Variants in RELT observed in about 807,000 individuals in gnomAD.
RELT encodes tumor necrosis factor receptor superfamily member 19L.
Under a neutral mutation model 51.1 loss-of-function variants are expected in RELT, and 37 were observed. That is an observed-to-expected ratio of 0.72 (90% CI 0.56 to 0.95). RELT has a LOEUF of 0.95. RELT is among the 40% of genes least tolerant of loss of function. The probability of loss-of-function intolerance (pLI) is 0.00; values close to 1 mark genes in which losing one functional copy is unlikely to be tolerated. For synonymous variants in RELT, 241 were observed against 235.7 expected (o/e 1.02, Z -0.21); for missense variants, 535 against 572.6 (o/e 0.93, Z 0.67).
At chr11:73,385,962 G>A (rs1302747910) in intron 1 of RELT, among the ~76,000 whole-genome samples, 1 of 152,222 alleles carries the variant, frequency 6.6e-6, no homozygotes, top group South Asian at 2.1e-4. Flanking sequence ...AAAGTTCAAA[G>A]TTGCAGTGAG....
chr11:73,389,304 G>C (rs183816370), intron 2 of RELT, 123 bp downstream of exon 2: 3 of 632,918 alleles, frequency 4.7e-6, no homozygotes, highest in African/African-American at 1.9e-5. Flanking sequence ...TACTCAGCTC[G>C]TCAAGAATCT....
chr11:73,395,107 C>T lies in RELT; in HGVS notation c.1067C>T (p.Pro356Leu), dbSNP rs1369305920. The T allele has an allele frequency of 1.2e-6, 2 of 1,613,412 alleles. No homozygotes were observed. Among genetic ancestry groups the T allele is most frequent in the Non-Finnish European group, 1.7e-6 (2 of 1,179,960 alleles). Residue 356 changes from proline to leucine, a missense_variant, in exon 10 of 11, where the codon CCT becomes CTT. Pro to Leu is a moderately conservative substitution (Grantham distance 98). Transcript: ENST00000064780. Reference sequence around the variant, plus strand: ...CACAGGTTCCGCGTGGCTCGAATTCCTGAGCAGCGGACAAGTTCAATGGTG... The same window carrying T: ...CACAGGTTCCGCGTGGCTCGAATTCTTGAGCAGCGGACAAGTTCAATGGTG... The part of the protein sequence containing the change: ...SVGRFRVARI[P>L]EQRTSSMVSE...
intron 4 of RELT, 104 bp downstream of exon 4, chr11:73,391,025 T>A: frequency 6.6e-7 from 1 of 1,526,118 alleles, no homozygotes; most frequent in Non-Finnish European, 9.0e-7. Flanking sequence ...ATTCTTCCCA[T>A]CTGTGAAATG....
Position 73,390,626 on chromosome 11 carries a change from G to T in RELT, c.120+1G>T, listed in dbSNP as rs569625319. 3.1e-6 allele frequency: 5 copies of T among 1,613,818 alleles called. No homozygotes were observed. The highest frequency in any genetic ancestry group is 3.4e-6 in the Non-Finnish European group (4 of 1,179,974). On this transcript the variant is annotated splice_donor_variant, in intron 3 of 10. Coordinates refer to ENST00000064780, the MANE Select transcript of RELT (RefSeq NM_152222.2). LOFTEE classifies it high-confidence loss of function. ...CCCACCTGGGGAGGAGCCCGACCTG[G>T]TGAGCATTGCCCTGCTCTCCTGCCT...
At chr11:73,377,193 G>A (rs1333485946) in intron 1 of RELT, among the ~76,000 whole-genome samples, 1 of 152,148 alleles carries the variant, frequency 6.6e-6, no homozygotes, top group Non-Finnish European at 1.5e-5. Context: ...GTGAAATAGA[G>A]GGAGAGGAGC....
chr11:73,388,781 G>A lies in RELT; in HGVS notation c.-25-331G>A, dbSNP rs949517146. ...TCATCACGGACACAGGCCGCCACAC[G>A]CGCTTCCTTCCCCTGCTGATGCCTC... is the stretch of plus-strand genomic sequence containing the variant. On this transcript the variant is annotated intron_variant, in intron 1 of 10. Transcript: ENST00000064780. This position sits in a 1 kb window ranked among gnomAD's most constrained non-coding sequence, Gnocchi z 4.1. 2.6e-5 allele frequency among the ~76,000 whole-genome samples: 4 copies of A among 152,186 alleles called. No homozygotes were observed. Among genetic ancestry groups the A allele is most frequent in the Admixed American group, 6.5e-5 (1 of 15,288 alleles).
At position 73,389,163 on chromosome 11, in the gene RELT, C is replaced by G; in HGVS notation, c.27C>G (p.Pro9=). 1.3e-6 allele frequency: 2 copies of G among 1,550,538 alleles called. No homozygotes were observed. Among genetic ancestry groups the G allele is most frequent in the African/African-American group, 1.4e-5 (1 of 72,998 alleles). Residue 9 remains proline (P), a synonymous_variant, in exon 2 of 11, where the codon CCC becomes CCG. Transcript: ENST00000064780. ...TGAAGCCAAGTCTGCTGTGCCGGCC[C>G]CTGTCCTGCTTCCTTATGGTGAGCT... The part of the protein sequence containing the change: MKPSLLCR[P]LSCFLMLLPW...
chr11:73,376,926 A>T (rs1453703418), intron 1 of RELT: 2 of 153,240 alleles, frequency 1.3e-5, no homozygotes, highest in Non-Finnish European at 1.5e-5. Context: ...GGGGCGGCCA[A>T]GGGGGGGTCT....
At chr11:73,389,805 G>A (rs1357424099) in intron 2 of RELT, among the ~76,000 whole-genome samples, 1 of 152,220 alleles carries the variant, frequency 6.6e-6, no homozygotes, top group African/African-American at 2.4e-5. Context: ...CCGCTCTGGG[G>A]TCTGAGGAGA....
intron 1 of RELT, among the ~76,000 whole-genome samples, chr11:73,386,734 T>C (rs1397047775): frequency 6.6e-6 from 1 of 152,184 alleles, no homozygotes; most frequent in Admixed American, 6.5e-5. Context: ...TCTGCGTCTG[T>C]CTGCAGATGA....
At chr11:73,392,077 A>G in intron 5 of RELT, 134 bp from the exon 6 acceptor site, 1 of 1,019,588 alleles carries the variant, frequency 9.8e-7, no homozygotes, top group Non-Finnish European at 1.4e-6. Context: ...TTGCATCCCC[A>G]GCATGGCGGG....
chr11:73,394,092 G>A lies in RELT; in HGVS notation c.707-144G>A. 1 of 960,968 alleles carries A rather than the reference G, an allele frequency of 1.0e-6. No homozygotes were observed. The highest frequency in any genetic ancestry group is 1.6e-6 in the Non-Finnish European group (1 of 623,846). 59.5% of individuals were successfully genotyped at this position (960,968 alleles called of 1,614,324 possible). ...GTGCACACCTCTGCCTCCCATTCTTGCCTGATGAAGTGGGAGGAAAAGGCG... is the reference window on the plus strand; with the variant it reads ...GTGCACACCTCTGCCTCCCATTCTTACCTGATGAAGTGGGAGGAAAAGGCG... On this transcript the variant is annotated intron_variant, in intron 7 of 10. Coordinates refer to ENST00000064780, the MANE Select transcript of RELT (RefSeq NM_152222.2). This position sits in a 1 kb window ranked among gnomAD's most constrained non-coding sequence, Gnocchi z 4.9.
intron 1 of RELT, among the ~76,000 whole-genome samples, chr11:73,384,820 A>C (rs1866099585): frequency 6.6e-6 from 1 of 152,204 alleles, no homozygotes; most frequent in Admixed American, 6.5e-5. Flanking sequence ...TGGTGGGGAA[A>C]GGGCTGGGTA....
chr11:73,377,388 A>C (rs1865985310), intron 1 of RELT, among the ~76,000 whole-genome samples: 1 of 151,800 alleles, frequency 6.6e-6, no homozygotes, highest in Non-Finnish European at 1.5e-5. Flanking sequence ...GAAGTTGGGG[A>C]GCCAGGAGAC....
intron 2 of RELT, among the ~76,000 whole-genome samples, chr11:73,389,666 G>C (rs948637776): frequency 6.6e-6 from 1 of 152,248 alleles, no homozygotes; most frequent in Non-Finnish European, 1.5e-5. Flanking sequence ...GCAGCATCTT[G>C]GGGTCTGCCC....
At chr11:73,381,437 A>C (rs982553133) in intron 1 of RELT, among the ~76,000 whole-genome samples, 2 of 152,174 alleles carry the variant, frequency 1.3e-5, no homozygotes, top group Non-Finnish European at 2.9e-5. Context: ...CCTCCTGCAC[A>C]GACCCTTTCC....
intron 5 of RELT, 87 bp from the exon 6 acceptor site, chr11:73,392,124 C>A: frequency 6.8e-7 from 1 of 1,464,916 alleles, no homozygotes; most frequent in Non-Finnish European, 9.2e-7. Context: ...TCTCCTGCAG[C>A]CCCCACTGAC....
At chr11:73,380,814 G>T (rs1196294657) in intron 1 of RELT, among the ~76,000 whole-genome samples, 1 of 152,182 alleles carries the variant, frequency 6.6e-6, no homozygotes, top group Admixed American at 6.5e-5. Context: ...GGTGTGTTTG[G>T]CGCCATTCCC....
chr11:73,392,335 G>A lies in RELT; in HGVS notation c.492G>A (p.Ala164=), dbSNP rs201371559. ...CAGAGGAGACAGCCGCCCAGTACGCGGTCATCGCCATCGTCCCTGTCTTCT... is the reference window on the plus strand; with the variant it reads ...CAGAGGAGACAGCCGCCCAGTACGCAGTCATCGCCATCGTCCCTGTCTTCT... The part of the protein sequence containing the change: ...GGPEETAAQY[A]VIAIVPVFCL... Residue 164 remains alanine (A), a synonymous_variant, in exon 6 of 11, where the codon GCG becomes GCA. Transcript: ENST00000064780. 3.8e-5 allele frequency: 61 copies of A among 1,613,638 alleles called. No homozygotes were observed. Among genetic ancestry groups the A allele is most frequent in the South Asian group, 3.0e-4 (27 of 91,088 alleles).
Sources: allele counts gnomAD v4.1 joint callset (sites outside exome capture counted in the v4.1 genomes callset), GRCh38; gene constraint gnomAD v4.1.1; non-coding constraint Gnocchi (gnomAD v3.1); transcripts MANE v1.5; gene names NCBI Gene and HGNC (gene_info 2026-07-23, HGNC 2026-07-21).